Variants in PCLO observed in about 807,000 individuals in gnomAD.
PCLO encodes protein piccolo.
PCLO carries 82 observed loss-of-function variants against 427.5 expected under a neutral mutation model. The ratio of observed to expected loss-of-function variants is 0.19; its 90% CI spans 0.16 to 0.23. The LOEUF is 0.23. Among genes scored for constraint, PCLO ranks in the 10% least tolerant of loss-of-function variants. The probability of loss-of-function intolerance (pLI) is 1.00; values close to 1 mark genes in which losing one functional copy is unlikely to be tolerated. For missense variants in PCLO, 6,239 were observed against 6,115.9 expected, an observed-to-expected ratio of 1.02 and a Z score of -0.67; for synonymous variants, 2,357 against 2,155.4, an observed-to-expected ratio of 1.09 and a Z score of -2.59.
At chr7:82,859,448 C>A (rs546779209) in intron 10 of PCLO, among the ~76,000 whole-genome samples, 1 of 152,174 alleles carries the variant, frequency 6.6e-6, no homozygotes, top group East Asian at 1.9e-4. Context: ...GAGAAGAGAA[C>A]AAGAGTCTCT....
chr7:82,861,293 G>T (rs958058428), intron 10 of PCLO, among the ~76,000 whole-genome samples: 14 of 151,748 alleles, frequency 9.2e-5, no homozygotes, highest in Non-Finnish European at 1.9e-4. Flanking sequence ...ACCAAAAATG[G>T]GAACCTAGAA....
At chr7:82,769,543 G>A (rs1194936379) in intron 22 of PCLO, among the ~76,000 whole-genome samples, 1 of 152,122 alleles carries the variant, frequency 6.6e-6, no homozygotes, top group Non-Finnish European at 1.5e-5. Context: ...AACCTCAGCA[G>A]TTGTTGCCAG....
rs953519680 is a variant in PCLO, at chr7:82,758,069, T to C, written c.*506A>G. ...CACCTCACTTCCAGCCCTGGACACA[T>C]ACTGTAGGTATATCTTATGTCAGAA... On this transcript the variant is annotated 3_prime_UTR_variant, in exon 25 of 25. Transcript: ENST00000333891. 2.0e-5 allele frequency: 3 copies of C among 152,058 alleles called. No homozygotes were observed. The highest frequency in any genetic ancestry group is 6.6e-5 in the Admixed American group (1 of 15,230). The allele number at this position is 152,058 out of a possible 1,614,324, so 9.4% of individuals were successfully genotyped here.
At chr7:83,122,286 CTT>C (rs71074624) in intron 3 of PCLO, among the ~76,000 whole-genome samples, 4,932 of 128,268 alleles carry the variant, frequency 0.038, 115 homozygotes, top group African/African-American at 0.11. Flanking sequence ...CTTTTCTTTT[CTT>C]TTTTTTTTTT....
intron 22 of PCLO, among the ~76,000 whole-genome samples, chr7:82,794,341 C>T (rs1287062624): frequency 6.6e-6 from 1 of 151,270 alleles, no homozygotes; most frequent in Non-Finnish European, 1.5e-5. Context: ...AGAATTTGAG[C>T]CTGATAGGTT....
intron 3 of PCLO, among the ~76,000 whole-genome samples, chr7:83,125,848 C>T (rs2116583159): frequency 6.6e-6 from 1 of 151,978 alleles, no homozygotes; most frequent in East Asian, 1.9e-4. Flanking sequence ...CCTGCCAAAT[C>T]CCCCTCTCCG....
At chr7:83,136,264 C>G (rs978011593) in intron 2 of PCLO, among the ~76,000 whole-genome samples, 13 of 151,910 alleles carry the variant, frequency 8.6e-5, no homozygotes, top group African/African-American at 3.1e-4. Flanking sequence ...AATAGAAAAC[C>G]ATGTATAATT....
chr7:82,890,210 A>G (rs1196775723), intron 9 of PCLO, among the ~76,000 whole-genome samples: 1 of 152,084 alleles, frequency 6.6e-6, no homozygotes, highest in Admixed American at 6.6e-5. Context: ...TAACAAAAAT[A>G]TTCATGAGAA....
At chr7:83,115,933 T>A (rs1449575002) in intron 3 of PCLO, among the ~76,000 whole-genome samples, 2 of 151,440 alleles carry the variant, frequency 1.3e-5, no homozygotes, top group Non-Finnish European at 2.9e-5. Flanking sequence ...ATCTTATAAT[T>A]AATACACACA....
intron 3 of PCLO, among the ~76,000 whole-genome samples, chr7:83,039,407 A>C (rs1448562358): frequency 3.3e-5 from 5 of 152,038 alleles, no homozygotes; most frequent in African/African-American, 1.2e-4. Context: ...GTGAAGTTCC[A>C]ATTTCATTAT....
intron 3 of PCLO, among the ~76,000 whole-genome samples, chr7:83,065,125 GA>G (rs1163404668): frequency 6.6e-6 from 1 of 151,380 alleles, no homozygotes; most frequent in African/African-American, 2.4e-5. Flanking sequence ...CCAATTTTCA[GA>G]GGCATATACT....
chr7:83,146,495 T>A (rs557856447), intron 2 of PCLO, among the ~76,000 whole-genome samples: 1 of 152,192 alleles, frequency 6.6e-6, no homozygotes, highest in African/African-American at 2.4e-5. Context: ...AAATTAAAGA[T>A]GTGAAATAGG....
chr7:83,041,959 G>A (rs1209286454), intron 3 of PCLO, among the ~76,000 whole-genome samples: 1 of 152,040 alleles, frequency 6.6e-6, no homozygotes, highest in Non-Finnish European at 1.5e-5. Context: ...ACTAAAGGAG[G>A]CAATAAAAAT....
At position 82,783,537 on chromosome 7, in the gene PCLO, G is replaced by A. The variant is rs374860077; in HGVS notation, c.15007+17981C>T. On this transcript the variant is annotated intron_variant, in intron 22 of 24. Transcript: ENST00000333891. Reference sequence around the variant, plus strand: ...CTCAGGAGGCTGAGGCAGGAGAATGGCGTGAACCCGGGAGGCGGAGCTTGC... The same window carrying A: ...CTCAGGAGGCTGAGGCAGGAGAATGACGTGAACCCGGGAGGCGGAGCTTGC... Among the ~76,000 whole-genome samples, 706 of 152,226 alleles carry A rather than the reference G, an allele frequency of 4.6e-3. 3 individuals are homozygous for A. Among genetic ancestry groups the A allele is most frequent in the African/African-American group, 0.016 (674 of 41,534 alleles).
chr7:82,872,461 G>A (rs1793259946), intron 10 of PCLO, among the ~76,000 whole-genome samples: 1 of 152,010 alleles, frequency 6.6e-6, no homozygotes. Context: ...GAACAAGTAT[G>A]TATAGAGATG....
intron 22 of PCLO, among the ~76,000 whole-genome samples, chr7:82,790,199 C>T (rs958021819): frequency 9.9e-5 from 15 of 152,126 alleles, no homozygotes; most frequent in Non-Finnish European, 2.9e-5. Context: ...CTAACCCATC[C>T]TTCAGAACCC....
chr7:82,769,178 A>G (rs770805661), intron 22 of PCLO, among the ~76,000 whole-genome samples: 5 of 152,184 alleles, frequency 3.3e-5, no homozygotes, highest in Admixed American at 1.3e-4. Flanking sequence ...ATCAGAATAA[A>G]AGAGTTTACA....
At chr7:82,888,947 C>T (rs1249478006) in intron 9 of PCLO, among the ~76,000 whole-genome samples, 6 of 151,328 alleles carry the variant, frequency 4.0e-5, no homozygotes, top group Non-Finnish European at 8.8e-5. Context: ...AAGTTCCCCC[C>T]GCCCCCTGCC....
chr7:82,967,122 C>T lies in PCLO; in HGVS notation c.3301-635G>A, dbSNP rs550067338. Reference sequence around the variant, plus strand: ...CTCATGCAGTTGAATAAGAAGCACTCCAAGTCTCAATTATTTGGTATCTTT... The same window carrying T: ...CTCATGCAGTTGAATAAGAAGCACTTCAAGTCTCAATTATTTGGTATCTTT... On this transcript the variant is annotated intron_variant, in intron 3 of 24. Transcript: ENST00000333891. Among the ~76,000 whole-genome samples the T allele has an allele frequency of 4.6e-5, 7 of 152,026 alleles. No homozygotes were observed. The South Asian group carries it at 1.5e-3, about 32-fold the overall frequency.
Sources: allele counts gnomAD v4.1 joint callset (sites outside exome capture counted in the v4.1 genomes callset), GRCh38; gene constraint gnomAD v4.1.1; transcripts MANE v1.5; gene names NCBI Gene and HGNC (gene_info 2026-07-23, HGNC 2026-07-21).